MDGA2: variants seen among roughly 807,000 people sequenced by gnomAD.
MDGA2 encodes MAM domain-containing glycosylphosphatidylinositol anchor protein 2.
In MDGA2, 40 loss-of-function variants were observed where a neutral mutation model predicts 117.8. That is an observed-to-expected ratio of 0.34 (90% CI 0.26 to 0.44). The LOEUF is 0.44. Among genes scored for constraint, MDGA2 ranks in the 20% least tolerant of loss-of-function variants. MDGA2 has a pLI of 1.00. For missense variants in MDGA2, 1,123 were observed against 1,250.6 expected (o/e 0.90, Z 1.54); for synonymous variants, 452 against 439.0 (o/e 1.03, Z -0.37).
At chr14:47,379,511 G>A (rs746113911) in intron 1 of MDGA2, among the ~76,000 whole-genome samples, 1 of 152,094 alleles carries the variant, frequency 6.6e-6, no homozygotes, top group Admixed American at 6.6e-5. Context: ...TCAAAATAAA[G>A]GGATGGAGGA....
intron 1 of MDGA2, among the ~76,000 whole-genome samples, chr14:47,440,682 GC>G (rs2138546716): frequency 5.1e-5 from 1 of 19,560 alleles, no homozygotes; most frequent in Non-Finnish European, 1.1e-4. Context: ...CTTTCTGTAG[GC>G]TTCTGTAGGC....
chr14:47,041,637 T>C (rs1019142977), intron 7 of MDGA2, among the ~76,000 whole-genome samples: 1 of 151,990 alleles, frequency 6.6e-6, no homozygotes, highest in Non-Finnish European at 1.5e-5. Flanking sequence ...ATTCCAAACG[T>C]AAATAAATAG....
intron 12 of MDGA2, among the ~76,000 whole-genome samples, chr14:46,876,310 T>C (rs1204554923): frequency 6.6e-6 from 1 of 151,616 alleles, no homozygotes; most frequent in Non-Finnish European, 1.5e-5. Flanking sequence ...ATGATAGTCC[T>C]GTCACTTTAA....
chr14:47,447,699 T>C (rs1339503825), intron 1 of MDGA2, among the ~76,000 whole-genome samples: 1 of 152,152 alleles, frequency 6.6e-6, no homozygotes, highest in East Asian at 1.9e-4. Flanking sequence ...TGATCCATTA[T>C]CATCCATGGG....
Position 46,868,680 on chromosome 14 carries a change from C to T in MDGA2, c.2752+4753G>A, listed in dbSNP as rs76838646. Among the ~76,000 whole-genome samples the T allele has an allele frequency of 5.3e-3, 811 of 152,062 alleles. 4 individuals are homozygous for T. Among genetic ancestry groups the T allele is most frequent in the Non-Finnish European group, 9.7e-3 (658 of 67,954 alleles). The stretch of plus-strand genomic sequence containing the variant: ...ACGCACAGATGGGGACTCAAACTGG[C>T]CATTATATTCCAAAATGCGTTTCAG... On this transcript the variant is annotated intron_variant, in intron 14 of 16. Coordinates refer to ENST00000399232, the MANE Select transcript of MDGA2 (RefSeq NM_001113498.3).
intron 8 of MDGA2, among the ~76,000 whole-genome samples, chr14:47,034,474 C>T (rs3949315): frequency 0.86 from 130,329 of 152,128 alleles, 55,925 homozygotes; most frequent in East Asian, 0.97. Context: ...TAGATAATTA[C>T]GTAATTCACT....
chr14:47,066,164 CT>C (rs1367789806), intron 6 of MDGA2, among the ~76,000 whole-genome samples: 1 of 152,154 alleles, frequency 6.6e-6, no homozygotes, highest in Non-Finnish European at 1.5e-5. Flanking sequence ...ACCTATCTTT[CT>C]CCTCAATAGG....
chr14:47,429,810 C>A (rs1892763198), intron 1 of MDGA2, among the ~76,000 whole-genome samples: 1 of 151,182 alleles, frequency 6.6e-6, no homozygotes, highest in Non-Finnish European at 1.5e-5. Flanking sequence ...TGGAGTAATA[C>A]CAAGTAATTT....
chr14:47,633,189 C>T (rs555428714), intron 1 of MDGA2, among the ~76,000 whole-genome samples: 25 of 78,042 alleles, frequency 3.2e-4, no homozygotes, highest in African/African-American at 1.0e-3. Flanking sequence ...CATGGAACGA[C>T]GATGTCTTTT....
intron 8 of MDGA2, among the ~76,000 whole-genome samples, chr14:47,034,729 TACACACACACACACAC>T (rs59191576): frequency 2.0e-4 from 29 of 147,158 alleles, no homozygotes; most frequent in Middle Eastern, 3.4e-3. Flanking sequence ...ATAATTATCA[TACACACACACACACAC>T]ACACACACAC....
chr14:47,295,686 C>A (rs928213803), intron 2 of MDGA2, among the ~76,000 whole-genome samples: 1 of 151,894 alleles, frequency 6.6e-6, no homozygotes, highest in Non-Finnish European at 1.5e-5. Flanking sequence ...GGCGAATCAC[C>A]CGAGGTCAGG....
At chr14:47,195,180 TTTAC>T (rs1649502187) in intron 3 of MDGA2, among the ~76,000 whole-genome samples, 4 of 152,028 alleles carry the variant, frequency 2.6e-5, no homozygotes, top group Admixed American at 2.6e-4. Flanking sequence ...TCATGTGCAC[TTTAC>T]TTATATTTCA....
intron 1 of MDGA2, among the ~76,000 whole-genome samples, chr14:47,612,209 C>CAGATAGACAGAT (rs1896860955): frequency 6.9e-6 from 1 of 145,692 alleles, no homozygotes; most frequent in Non-Finnish European, 1.5e-5. Context: ...GATAGATAGA[C>CAGATAGACAGAT]AGATAGATAG....
intron 10 of MDGA2, among the ~76,000 whole-genome samples, chr14:46,903,235 A>G (rs1295169322): frequency 6.6e-6 from 1 of 152,172 alleles, no homozygotes; most frequent in Admixed American, 6.5e-5. Flanking sequence ...TGACACAAGA[A>G]CCCAGATTTA....
At chr14:47,170,855 C>T (rs1230885988) in intron 3 of MDGA2, among the ~76,000 whole-genome samples, 2 of 151,874 alleles carry the variant, frequency 1.3e-5, no homozygotes, top group Non-Finnish European at 2.9e-5. Flanking sequence ...AGTTGGCTAA[C>T]CTAAAGAAGA....
intron 7 of MDGA2, among the ~76,000 whole-genome samples, chr14:47,044,370 A>C (rs189173336): frequency 6.6e-6 from 1 of 152,280 alleles, no homozygotes; most frequent in East Asian, 1.9e-4. Context: ...AAATATTGGA[A>C]GCACTTGGTA....
chr14:47,129,345 G>A (rs943028205), intron 5 of MDGA2, among the ~76,000 whole-genome samples: 2 of 151,184 alleles, frequency 1.3e-5, no homozygotes, highest in Admixed American at 1.3e-4. Context: ...TGCGGTGTTT[G>A]GTTTTTTGTT....
chr14:47,187,917 T>TTG (rs34044843), intron 3 of MDGA2, among the ~76,000 whole-genome samples: 5,462 of 148,730 alleles, frequency 0.037, 121 homozygotes, highest in Admixed American at 0.057. Context: ...TTAAAGTAGG[T>TTG]TGTGTGTGTG....
chr14:47,573,665 G>A (rs1896061851), intron 1 of MDGA2, among the ~76,000 whole-genome samples: 1 of 152,208 alleles, frequency 6.6e-6, no homozygotes, highest in Non-Finnish European at 1.5e-5. Flanking sequence ...GGTATTAAAT[G>A]TCTATATAAC....
Sources: gnomAD v4.1 joint callset for allele counts (sites outside exome capture counted in the v4.1 genomes callset) on GRCh38, gnomAD v4.1.1 for gene constraint, MANE v1.5 for transcripts, NCBI Gene and HGNC (gene_info 2026-07-23, HGNC 2026-07-21) for gene names.